Variants in RBFOX1 observed in about 807,000 individuals in gnomAD.
RBFOX1 encodes RNA binding fox-1 homolog 1, also known as RNA binding protein fox-1 homolog 1.
A neutral mutation model predicts 57.7 loss-of-function variants in RBFOX1; 8 were observed. The ratio of observed to expected loss-of-function variants is 0.14; its 90% CI spans 0.08 to 0.25. RBFOX1 has a LOEUF of 0.25. RBFOX1 is among the 10% of genes least tolerant of loss of function. The pLI is 1.00. For missense variants in RBFOX1, 611 were observed against 548.5 expected (o/e 1.11, Z -1.14); for synonymous variants, 326 against 222.4 (o/e 1.47, Z -4.15).
chr16:7,149,339 G>A (rs1601050932), intron 4 of RBFOX1, among the ~76,000 whole-genome samples: 2 of 151,926 alleles, frequency 1.3e-5, no homozygotes, highest in South Asian at 4.2e-4. Flanking sequence ...CAAGTCTCTT[G>A]GTTTTATCTC....
chr16:5,307,648 G>C (rs1476821281), intron 1 of RBFOX1, among the ~76,000 whole-genome samples: 3 of 152,140 alleles, frequency 2.0e-5, no homozygotes, highest in Non-Finnish European at 4.4e-5. Flanking sequence ...ACATGTCTGA[G>C]GGTCTTAGAT....
chr16:5,696,164 G>T (rs561123130), intron 3 of RBFOX1, among the ~76,000 whole-genome samples: 1 of 152,222 alleles, frequency 6.6e-6, no homozygotes, highest in South Asian at 2.1e-4. Flanking sequence ...ATTTGCTTCA[G>T]AATTTGTAAA....
intron 4 of RBFOX1, among the ~76,000 whole-genome samples, chr16:6,009,243 G>T (rs879838736): frequency 2.0e-5 from 3 of 152,052 alleles, no homozygotes; most frequent in Non-Finnish European, 4.4e-5. Flanking sequence ...AAAAAGCCAC[G>T]ATGGTACCTC....
At chr16:5,952,847 G>A (rs1347900115) in intron 4 of RBFOX1, among the ~76,000 whole-genome samples, 1 of 152,004 alleles carries the variant, frequency 6.6e-6, no homozygotes, top group Non-Finnish European at 1.5e-5. Flanking sequence ...CCCGAGACTT[G>A]GTAAAAATCC....
At chr16:7,616,260 C>T (rs917916030) in intron 10 of RBFOX1, among the ~76,000 whole-genome samples, 12 of 152,182 alleles carry the variant, frequency 7.9e-5, no homozygotes, top group African/African-American at 2.9e-4. Context: ...TTAGAAGAAA[C>T]CTAGCAAAAG....
chr16:7,039,460 G>C (rs973942524), intron 3 of RBFOX1, among the ~76,000 whole-genome samples: 17 of 152,154 alleles, frequency 1.1e-4, no homozygotes, highest in Non-Finnish European at 2.1e-4. Flanking sequence ...TGCAACATGA[G>C]ACAGAATCAA....
At chr16:6,970,795 C>T (rs369088496) in intron 3 of RBFOX1, among the ~76,000 whole-genome samples, 2 of 152,132 alleles carry the variant, frequency 1.3e-5, no homozygotes, top group Non-Finnish European at 2.9e-5. Context: ...GTCTTATGCC[C>T]TGTCTACAAA....
chr16:7,519,608 C>T, intron 5 of RBFOX1: 2 of 641,190 alleles, frequency 3.1e-6, no homozygotes, highest in Non-Finnish European at 3.9e-6. Flanking sequence ...AGTAATCATG[C>T]ATACCACAAA....
intron 4 of RBFOX1, among the ~76,000 whole-genome samples, chr16:7,446,598 T>A (rs919917494): frequency 6.6e-6 from 1 of 152,006 alleles, no homozygotes; most frequent in African/African-American, 2.4e-5. Context: ...GTCCTATAGT[T>A]CTCTTTCAAG....
At chr16:5,406,575 T>C (rs1254925436) in intron 1 of RBFOX1, among the ~76,000 whole-genome samples, 6 of 152,014 alleles carry the variant, frequency 3.9e-5, no homozygotes, top group Non-Finnish European at 7.4e-5. Context: ...TCTCTCTTTA[T>C]TTCTCTCTCT....
Position 7,075,147 on chromosome 16 carries a change from T to C in RBFOX1, c.27+23049T>C, listed in dbSNP as rs74008710. Among the ~76,000 whole-genome samples the C allele has an allele frequency of 8.7e-3, 1,322 of 152,334 alleles. 22 individuals are homozygous for C. The highest frequency in any genetic ancestry group is 0.027 in the African/African-American group (1,133 of 41,570). On this transcript the variant is annotated intron_variant, in intron 4 of 15. Coordinates refer to ENST00000550418, the MANE Select transcript of RBFOX1 (RefSeq NM_018723.4). ...GCTGAGGCTGTGCAGTTGATCTTAC[T>C]ACAGACAAGTTGGTTTTGTTCTGTT...
intron 1 of RBFOX1, among the ~76,000 whole-genome samples, chr16:6,314,513 A>C (rs947654969): frequency 8.5e-5 from 13 of 152,172 alleles, no homozygotes; most frequent in Admixed American, 2.0e-4. Flanking sequence ...CATGAGTTCA[A>C]ATGGGGCCAG....
chr16:6,678,728 G>A (rs908400643), intron 3 of RBFOX1, among the ~76,000 whole-genome samples: 2 of 151,992 alleles, frequency 1.3e-5, no homozygotes, highest in African/African-American at 2.4e-5. Context: ...TAGATGCTCT[G>A]ACTGATTAAT....
chr16:7,289,409 C>A (rs1442814424), intron 4 of RBFOX1, among the ~76,000 whole-genome samples: 1 of 151,974 alleles, frequency 6.6e-6, no homozygotes, highest in Non-Finnish European at 1.5e-5. Context: ...ATTACCACCA[C>A]CATTATCATC....
intron 2 of RBFOX1, among the ~76,000 whole-genome samples, chr16:6,487,729 ATATATATATATATATATAT>A (rs2095534979): frequency 4.5e-5 from 2 of 44,306 alleles, no homozygotes; most frequent in South Asian, 1.8e-3. Flanking sequence ...ATATATATAT[ATATATATATATATATATAT>A]ATATATAAAA....
At chr16:6,580,214 C>G (rs531974880) in intron 2 of RBFOX1, among the ~76,000 whole-genome samples, 1 of 152,332 alleles carries the variant, frequency 6.6e-6, no homozygotes, top group East Asian at 1.9e-4. Flanking sequence ...TCCTCAGCCT[C>G]CCAAAGTGCT....
intron 2 of RBFOX1, among the ~76,000 whole-genome samples, chr16:5,530,939 A>T (rs1445011067): frequency 1.5e-4 from 2 of 13,374 alleles, no homozygotes; most frequent in African/African-American, 8.8e-4. Context: ...AATATAAAAA[A>T]AAAAAAAAAA....
At chr16:6,485,273 G>T (rs1423757274) in intron 2 of RBFOX1, among the ~76,000 whole-genome samples, 1 of 152,182 alleles carries the variant, frequency 6.6e-6, no homozygotes, top group Non-Finnish European at 1.5e-5. Flanking sequence ...ATACTCAGAG[G>T]TTATGAAGAG....
At chr16:6,565,521 T>A (rs2097252300) in intron 2 of RBFOX1, among the ~76,000 whole-genome samples, 1 of 151,030 alleles carries the variant, frequency 6.6e-6, no homozygotes, top group African/African-American at 2.4e-5. Flanking sequence ...CTTCCCAAAG[T>A]GCTCGGATTA....
Sources: gnomAD v4.1 joint callset for allele counts (sites outside exome capture counted in the v4.1 genomes callset) on GRCh38, gnomAD v4.1.1 for gene constraint, MANE v1.5 for transcripts, NCBI Gene and HGNC (gene_info 2026-07-23, HGNC 2026-07-21) for gene names.